NTRK2: variants seen among roughly 807,000 people sequenced by gnomAD.
The protein encoded by NTRK2 is BDNF/NT-3 growth factors receptor.
NTRK2 carries 13 observed loss-of-function variants against 94.5 expected under a neutral mutation model. That is an observed-to-expected ratio of 0.14 (90% CI 0.09 to 0.22). The LOEUF (loss-of-function observed/expected upper bound fraction) is 0.22, where lower values mean the gene tolerates loss of function less well. NTRK2 is among the 10% of genes least tolerant of loss of function. The pLI, the probability that NTRK2 is intolerant of heterozygous loss-of-function variation, is 1.00. For synonymous variants in NTRK2, 372 were observed against 407.4 expected, an observed-to-expected ratio of 0.91 and a Z score of 1.05; for missense variants, 639 against 1,071.2, an observed-to-expected ratio of 0.60 and a Z score of 5.63.
chr9:84,678,373 G>A lies in NTRK2; in HGVS notation c.212+7413G>A, dbSNP rs74387424. 5.7e-3 allele frequency among the ~76,000 whole-genome samples: 866 copies of A among 152,246 alleles called. 9 individuals carry two copies. The highest frequency in any genetic ancestry group is 0.02 in the African/African-American group (821 of 41,546). ...TCTTTGATATCTTCTCAACATAAAC[G>A]AACAATGTAAACAAAATTGAAAGGT... On this transcript the variant is annotated intron_variant, in intron 2 of 18. Coordinates refer to ENST00000277120, the MANE Select transcript of NTRK2 (RefSeq NM_006180.6).
Position 84,700,561 on chromosome 9 carries a change from A to T in NTRK2, c.213-1598A>T, listed in dbSNP as rs577619637. 9.7e-4 allele frequency among the ~76,000 whole-genome samples: 148 copies of T among 152,284 alleles called. 1 individual carries two copies. Among genetic ancestry groups the T allele is most frequent in the African/African-American group, 3.4e-3 (140 of 41,552 alleles). ...CAATGTTTGTGTGGATGCTTTTAAA[A>T]GTATTTCTCTTTGGTGTAATTTTGT... On this transcript the variant is annotated intron_variant, in intron 2 of 18. Transcript: ENST00000277120.
At chr9:84,941,340 C>T (rs1465981102) in intron 15 of NTRK2, among the ~76,000 whole-genome samples, 1 of 152,166 alleles carries the variant, frequency 6.6e-6, no homozygotes, top group Non-Finnish European at 1.5e-5. Flanking sequence ...ATACCTTTCC[C>T]AGTAATTTCA....
At chr9:84,892,259 G>A (rs2076617257) in intron 14 of NTRK2, among the ~76,000 whole-genome samples, 1 of 152,124 alleles carries the variant, frequency 6.6e-6, no homozygotes, top group African/African-American at 2.4e-5. Flanking sequence ...CCAAGCAGTA[G>A]GTTCCACATA....
intron 12 of NTRK2, among the ~76,000 whole-genome samples, chr9:84,810,050 T>G (rs1435766480): frequency 6.6e-6 from 1 of 152,206 alleles, no homozygotes; most frequent in Non-Finnish European, 1.5e-5. Context: ...AATCAGGATT[T>G]GGGTAGATAG....
intron 17 of NTRK2, among the ~76,000 whole-genome samples, chr9:85,017,561 C>T (rs529316603): frequency 1.3e-5 from 2 of 152,334 alleles, no homozygotes; most frequent in South Asian, 2.1e-4. Context: ...CACAAACATA[C>T]ATTCAAATAG....
At chr9:84,796,021 C>T (rs888337964) in intron 12 of NTRK2, among the ~76,000 whole-genome samples, 1 of 151,992 alleles carries the variant, frequency 6.6e-6, no homozygotes, top group Non-Finnish European at 1.5e-5. Flanking sequence ...TCCCTGCTCC[C>T]TATCTCACAG....
chr9:84,836,237 A>G (rs899340041), intron 12 of NTRK2, among the ~76,000 whole-genome samples: 1 of 152,198 alleles, frequency 6.6e-6, no homozygotes, highest in African/African-American at 2.4e-5. Context: ...GGGCAAAAAA[A>G]TCACTGCTAG....
intron 2 of NTRK2, among the ~76,000 whole-genome samples, chr9:84,680,350 C>T (rs531367820): frequency 6.6e-6 from 1 of 152,254 alleles, no homozygotes; most frequent in South Asian, 2.1e-4. Flanking sequence ...ATCCTTACTT[C>T]CTATGGTAGC....
intron 12 of NTRK2, among the ~76,000 whole-genome samples, chr9:84,775,035 T>C (rs1279884811): frequency 6.6e-6 from 1 of 152,242 alleles, no homozygotes; most frequent in Non-Finnish European, 1.5e-5. Context: ...TCTTGTGCTT[T>C]TCAAATTGGT....
chr9:84,724,549 A>G (rs2062310737), intron 8 of NTRK2, among the ~76,000 whole-genome samples, 193 bp downstream of exon 8: 2 of 152,166 alleles, frequency 1.3e-5, no homozygotes, highest in South Asian at 2.1e-4. Flanking sequence ...TTGCTCATGC[A>G]TGTTTTTTCT....
intron 17 of NTRK2, among the ~76,000 whole-genome samples, chr9:84,985,331 C>T (rs184320877): frequency 6.6e-6 from 1 of 152,108 alleles, no homozygotes; most frequent in Non-Finnish European, 1.5e-5. Context: ...ATTTATTGAG[C>T]CTTACTAAGG....
chr9:84,854,374 T>C (rs1189765506), intron 12 of NTRK2, among the ~76,000 whole-genome samples: 1 of 152,176 alleles, frequency 6.6e-6, no homozygotes, highest in Non-Finnish European at 1.5e-5. Flanking sequence ...CTGGGATCTC[T>C]TCTTAGTAAA....
At position 84,955,502 on chromosome 9, in the gene NTRK2, C is replaced by T. The variant is rs2132979525; in HGVS notation, c.2157C>T (p.Ser719=). The change falls in exon 17 of 19, where the codon AGC becomes AGT. Residue 719 remains serine (S), a synonymous_variant. Coordinates refer to ENST00000277120, the MANE Select transcript of NTRK2 (RefSeq NM_006180.6). ...GDFGMSRDVY[S]TDYYRVGGHT... is the part of the protein sequence containing the mutation. ...TTGGGATGTCCCGGGACGTGTACAG[C>T]ACTGACTACTACAGGGTGAGTAGCT... 1.2e-6 allele frequency: 2 copies of T among 1,613,942 alleles called. No individual in the cohort carries two copies. The highest frequency in any genetic ancestry group is 4.5e-5 in the East Asian group (2 of 44,874).
chr9:84,820,169 CTTTTTTT>C (rs902886137), intron 12 of NTRK2, among the ~76,000 whole-genome samples: 2 of 132,518 alleles, frequency 1.5e-5, no homozygotes, highest in Non-Finnish European at 3.2e-5. Context: ...TTCTTTCTTT[CTTTTTTT>C]TTTTTTTTTT....
intron 12 of NTRK2, among the ~76,000 whole-genome samples, chr9:84,815,893 A>C (rs992161976): frequency 1.2e-4 from 18 of 152,012 alleles, no homozygotes; most frequent in Non-Finnish European, 2.4e-4. Context: ...TTATCCCCCC[A>C]AAAAGGTCTT....
chr9:84,843,601 G>C (rs1397523281), intron 12 of NTRK2, among the ~76,000 whole-genome samples: 3 of 152,156 alleles, frequency 2.0e-5, no homozygotes, highest in Non-Finnish European at 2.9e-5. Context: ...CCAAAGGTGG[G>C]TCACGTGCAG....
At position 84,828,611 on chromosome 9, in the gene NTRK2, GT is replaced by G. The variant is rs1414124900; in HGVS notation, c.1397-32428del. On this transcript the variant is annotated intron_variant, in intron 12 of 18. Transcript: ENST00000277120. ...ACAAAGGTGAAATTGTATGCCAAGTGTGTCTAACTAAATATGATTTTTGTTT... is the reference window on the plus strand; with the variant it reads ...ACAAAGGTGAAATTGTATGCCAAGTGGTCTAACTAAATATGATTTTTGTTT... Among the ~76,000 whole-genome samples the G allele has an allele frequency of 2.0e-5, 3 of 152,088 alleles. No individual in the cohort carries two copies. In the East Asian group the frequency reaches 5.8e-4, roughly 29 times the overall value.
intron 14 of NTRK2, among the ~76,000 whole-genome samples, chr9:84,894,727 T>C (rs1319448035): frequency 1.3e-5 from 2 of 152,226 alleles, no homozygotes; most frequent in African/African-American, 4.8e-5. Flanking sequence ...GATTAATAAA[T>C]TGCCATATGC....
At chr9:84,962,937 A>AT (rs1258771653) in intron 17 of NTRK2, among the ~76,000 whole-genome samples, 2 of 152,262 alleles carry the variant, frequency 1.3e-5, no homozygotes, top group Non-Finnish European at 2.9e-5. Flanking sequence ...AAGGTGGCTA[A>AT]GCAGATAAGG....
Sources: allele counts gnomAD v4.1 joint callset (sites outside exome capture counted in the v4.1 genomes callset), GRCh38; gene constraint gnomAD v4.1.1; transcripts MANE v1.5; gene names NCBI Gene and HGNC (gene_info 2026-07-23, HGNC 2026-07-21).